GOLPH3: variants seen among roughly 807,000 people sequenced by gnomAD.
The protein encoded by GOLPH3 is golgi phosphoprotein 3, also known as coat protein GPP34.
GOLPH3 carries 14 observed loss-of-function variants against 28.5 expected under a neutral mutation model. The observed-to-expected ratio is 0.49, with a 90% confidence interval of 0.32 to 0.77. The LOEUF is 0.77. Among genes scored for constraint, GOLPH3 ranks in the 30% least tolerant of loss-of-function variants. GOLPH3 has a pLI of 0.03. For synonymous variants in GOLPH3, 158 were observed against 159.2 expected (o/e 0.99, Z 0.06); for missense variants, 350 against 393.7 (o/e 0.89, Z 0.94).
chr5:32,153,623 G>A (rs1005172283), intron 1 of GOLPH3, among the ~76,000 whole-genome samples: 9 of 151,862 alleles, frequency 5.9e-5, no homozygotes, highest in African/African-American at 1.7e-4. Context: ...TAATACAAGC[G>A]GTAAGCCAAT....
chr5:32,130,753 AT>A (rs951406086), intron 3 of GOLPH3, among the ~76,000 whole-genome samples: 7 of 151,538 alleles, frequency 4.6e-5, no homozygotes, highest in East Asian at 1.9e-4. Flanking sequence ...GTTCTACAAT[AT>A]TTTTTTTTCT....
At chr5:32,164,857 TAATA>T (rs777628213) in intron 1 of GOLPH3, among the ~76,000 whole-genome samples, 13 of 151,648 alleles carry the variant, frequency 8.6e-5, no homozygotes, top group South Asian at 2.1e-4. Context: ...AAATTTACTT[TAATA>T]AATAATATTA....
At chr5:32,165,347 C>A (rs543204336) in intron 1 of GOLPH3, among the ~76,000 whole-genome samples, 169 of 152,214 alleles carry the variant, frequency 1.1e-3, no homozygotes, top group East Asian at 5.0e-3. Flanking sequence ...CTTTGGGAGG[C>A]CAACGTGGGT....
chr5:32,143,163 G>A (rs1363097215), intron 2 of GOLPH3, among the ~76,000 whole-genome samples: 2 of 152,190 alleles, frequency 1.3e-5, no homozygotes, highest in Non-Finnish European at 2.9e-5. Flanking sequence ...CCAACCCTGT[G>A]CTCTCTGAAA....
At chr5:32,142,133 G>A (rs1366191980) in intron 2 of GOLPH3, among the ~76,000 whole-genome samples, 4 of 150,656 alleles carry the variant, frequency 2.7e-5, no homozygotes, top group East Asian at 2.0e-4. Flanking sequence ...GTCTCTGCCC[G>A]GCCGCCATCC....
intron 1 of GOLPH3, among the ~76,000 whole-genome samples, chr5:32,169,770 G>A (rs564639863): frequency 6.6e-6 from 1 of 152,156 alleles, no homozygotes; most frequent in Admixed American, 6.5e-5. Context: ...CTAATTACTT[G>A]GCAGTTGAAT....
At chr5:32,171,704 T>C (rs1746841911) in intron 1 of GOLPH3, among the ~76,000 whole-genome samples, 1 of 152,130 alleles carries the variant, frequency 6.6e-6, no homozygotes, top group Non-Finnish European at 1.5e-5. Flanking sequence ...TCTCAGCACT[T>C]TGGGAGGCCG....
intron 1 of GOLPH3, among the ~76,000 whole-genome samples, chr5:32,161,778 A>G (rs550085779): frequency 6.6e-6 from 1 of 151,428 alleles, no homozygotes; most frequent in East Asian, 1.9e-4. Flanking sequence ...CTGTAATCCC[A>G]GCACTTTGGG....
intron 1 of GOLPH3, among the ~76,000 whole-genome samples, chr5:32,152,111 G>A (rs1746321516): frequency 1.3e-5 from 2 of 151,962 alleles, no homozygotes; most frequent in South Asian, 2.1e-4. Context: ...TACACTTGAT[G>A]TTATGCATAT....
intron 1 of GOLPH3, among the ~76,000 whole-genome samples, chr5:32,144,430 A>G (rs568834971): frequency 7.9e-5 from 12 of 152,236 alleles, no homozygotes; most frequent in African/African-American, 2.9e-4. Context: ...GTTTCTACCA[A>G]AAAAAATTAA....
rs186501194 is a variant in GOLPH3 at position 32,144,514 on chromosome 5, A to G, written c.226-634T>C. Reference sequence around the variant, plus strand: ...CTAAGGCAGGAGGACCACTGTGTCCAAGAGTTCAAGGCTACAGTGAGCAAT... The same window carrying G: ...CTAAGGCAGGAGGACCACTGTGTCCGAGAGTTCAAGGCTACAGTGAGCAAT... On this transcript the variant is annotated intron_variant, in intron 1 of 3. Coordinates refer to ENST00000265070, the MANE Select transcript of GOLPH3 (RefSeq NM_022130.4). Among the ~76,000 whole-genome samples the G allele has an allele frequency of 1.4e-3, 215 of 152,308 alleles. 1 individual carries two copies. The highest frequency in any genetic ancestry group is 2.0e-3 in the Non-Finnish European group (134 of 68,030).
intron 1 of GOLPH3, among the ~76,000 whole-genome samples, chr5:32,158,154 C>T (rs1280622196): frequency 6.6e-6 from 1 of 150,860 alleles, no homozygotes; most frequent in Non-Finnish European, 1.5e-5. Flanking sequence ...CACACACACA[C>T]ACACACACAC....
chr5:32,150,422 G>GA (rs35032469), intron 1 of GOLPH3, among the ~76,000 whole-genome samples: 20,908 of 107,750 alleles, frequency 0.19, 3,157 homozygotes, highest in African/African-American at 0.45. Context: ...AGTTCCTAAA[G>GA]AAAAAAAAAA....
rs145059819 is a variant in GOLPH3 at position 32,141,120 on chromosome 5, G to T, written c.357+2629C>A. On this transcript the variant is annotated intron_variant, in intron 2 of 3. Transcript: ENST00000265070. ...AGAGGTTGCAGTGAGCCGAGATCACGCCACTGCACTCCAGCCTGGGTGACA... is the reference window on the plus strand; with the variant it reads ...AGAGGTTGCAGTGAGCCGAGATCACTCCACTGCACTCCAGCCTGGGTGACA... 3.0e-3 allele frequency among the ~76,000 whole-genome samples: 436 copies of T among 145,180 alleles called. 2 individuals are homozygous for T. Among genetic ancestry groups the T allele is most frequent in the African/African-American group, 0.011 (426 of 38,708 alleles).
chr5:32,140,791 G>T lies in GOLPH3; in HGVS notation c.357+2958C>A, dbSNP rs960937610. 3.5e-5 allele frequency among the ~76,000 whole-genome samples: 5 copies of T among 144,532 alleles called. No homozygotes were observed. In the Admixed American group the frequency reaches 3.5e-4, roughly 10 times the overall value. The allele number at this position is 144,532 out of a possible 152,430, so 94.8% of individuals were successfully genotyped here. On this transcript the variant is annotated intron_variant, in intron 2 of 3. Transcript: ENST00000265070. ...CCCTCCTGCCCAGGCAATGGAGTGAGACTCTGTCTCCAAAAAAAAAAAAAA... is the reference window on the plus strand; with the variant it reads ...CCCTCCTGCCCAGGCAATGGAGTGATACTCTGTCTCCAAAAAAAAAAAAAA...
At chr5:32,160,475 G>A (rs1423595190) in intron 1 of GOLPH3, among the ~76,000 whole-genome samples, 1 of 152,108 alleles carries the variant, frequency 6.6e-6, no homozygotes, top group Non-Finnish European at 1.5e-5. Context: ...AATATACAAA[G>A]GCATAGAATG....
In GOLPH3 at chr5:32,174,087, T is replaced by C. The variant is rs1746919093; in HGVS notation, c.-53A>G. 3 of 1,178,864 alleles carry C rather than the reference T, an allele frequency of 2.5e-6. No homozygotes were observed. In the African/African-American group the frequency reaches 4.8e-5, roughly 19 times the overall value. The allele number at this position is 1,178,864 out of a possible 1,614,324, so 73.0% of individuals were successfully genotyped here. ...CGAGAGGGTCGCAGGACCGACCGGG[T>C]CGCCCTCCTCCTCCCCGCGCGGCCT... is the stretch of plus-strand genomic sequence containing the variant. On this transcript the variant is annotated 5_prime_UTR_variant, in exon 1 of 4. Transcript: ENST00000265070.
chr5:32,161,487 A>C (rs1304050238), intron 1 of GOLPH3, among the ~76,000 whole-genome samples: 1 of 151,028 alleles, frequency 6.6e-6, no homozygotes, highest in Non-Finnish European at 1.5e-5. Context: ...GCTGACCACA[A>C]GGGCTGGAAG....
intron 1 of GOLPH3, among the ~76,000 whole-genome samples, chr5:32,170,107 A>T (rs78794408): frequency 0.071 from 10,883 of 152,248 alleles, 946 homozygotes; most frequent in African/African-American, 0.2. Flanking sequence ...GTAATTTTTT[A>T]AATATTATAG....
Sources: allele counts gnomAD v4.1 joint callset (sites outside exome capture counted in the v4.1 genomes callset), GRCh38; gene constraint gnomAD v4.1.1; transcripts MANE v1.5; gene names NCBI Gene and HGNC (gene_info 2026-07-23, HGNC 2026-07-21).